ADGB: variants seen among roughly 807,000 people sequenced by gnomAD.
The protein encoded by ADGB is androglobin.
A neutral mutation model predicts 210.5 loss-of-function variants in ADGB; 172 were observed. The ratio of observed to expected loss-of-function variants is 0.82; its 90% CI spans 0.72 to 0.93. The LOEUF is 0.93. Among genes scored for constraint, ADGB ranks in the 40% least tolerant of loss-of-function variants. The probability of loss-of-function intolerance (pLI) is 0.00; values close to 1 mark genes in which losing one functional copy is unlikely to be tolerated. For synonymous variants in ADGB, 658 were observed against 662.7 expected, an observed-to-expected ratio of 0.99 and a Z score of 0.11; for missense variants, 2,025 against 1,964.8, an observed-to-expected ratio of 1.03 and a Z score of -0.58.
At chr6:146,794,815 A>T (rs989154694) in intron 33 of ADGB, among the ~76,000 whole-genome samples, 1 of 152,240 alleles carries the variant, frequency 6.6e-6, no homozygotes, top group Non-Finnish European at 1.5e-5. Context: ...ACAACAAAAA[A>T]GGAGAGACTA....
At chr6:146,599,419 C>T (rs1780519921) in intron 1 of ADGB, among the ~76,000 whole-genome samples, 1 of 152,150 alleles carries the variant, frequency 6.6e-6, no homozygotes, top group Non-Finnish European at 1.5e-5. Context: ...AAGGCCATAG[C>T]TTTCCTAAGA....
At chr6:146,734,759 A>T (rs1003576235) in intron 22 of ADGB, among the ~76,000 whole-genome samples, 1 of 151,982 alleles carries the variant, frequency 6.6e-6, no homozygotes, top group African/African-American at 2.4e-5. Flanking sequence ...AAAATATAAA[A>T]ATTAGCCAGG....
Position 146,784,802 on chromosome 6 carries a change from G to C in ADGB, c.4212+8G>C. 6.5e-7 allele frequency: 1 copy of C among 1,538,394 alleles called. No homozygotes were observed. Among genetic ancestry groups the C allele is most frequent in the South Asian group, 1.2e-5 (1 of 81,530 alleles). ...CCAGGAAGAGCAATCAAGGTCACCT[G>C]ATTTCGAAAAGCTGTCATCTTTTAC... is the stretch of plus-strand genomic sequence containing the variant. On this transcript the variant is annotated splice_region_variant and intron_variant, in intron 31 of 35. Transcript: ENST00000397944.
chr6:146,788,822 C>A (rs1365980162), intron 33 of ADGB, among the ~76,000 whole-genome samples: 2 of 152,078 alleles, frequency 1.3e-5, no homozygotes, highest in African/African-American at 4.8e-5. Context: ...TGGGCAAAAG[C>A]CCCCCTACAG....
At chr6:146,676,020 C>A (rs1776078430) in intron 8 of ADGB, among the ~76,000 whole-genome samples, 1 of 151,884 alleles carries the variant, frequency 6.6e-6, no homozygotes, top group Non-Finnish European at 1.5e-5. Context: ...ATACTATAAT[C>A]TTATATAAAT....
At chr6:146,638,497 C>T (rs1190276214) in intron 2 of ADGB, among the ~76,000 whole-genome samples, 5 of 149,936 alleles carry the variant, frequency 3.3e-5, no homozygotes, top group African/African-American at 4.9e-5. Context: ...AGCAAACTAT[C>T]GCAAGGACAA....
intron 2 of ADGB, 78 bp downstream of exon 2, chr6:146,635,615 G>T: frequency 7.3e-7 from 1 of 1,362,174 alleles, no homozygotes; most frequent in Non-Finnish European, 9.6e-7. Flanking sequence ...AACATAAAAA[G>T]GTATTCATTC....
chr6:146,750,300 G>A (rs1777301491), intron 26 of ADGB, among the ~76,000 whole-genome samples: 1 of 152,110 alleles, frequency 6.6e-6, no homozygotes, highest in South Asian at 2.1e-4. Context: ...GCTCATACCT[G>A]TAATCCCAGT....
At chr6:146,743,899 A>C in intron 25 of ADGB, among the ~76,000 whole-genome samples, 1 of 148,540 alleles carries the variant, frequency 6.7e-6, no homozygotes, top group Non-Finnish European at 1.5e-5. Flanking sequence ...GGGTGACAAG[A>C]GCGAAACTCC....
Position 146,602,223 on chromosome 6 carries a change from G to A in ADGB, c.74+3109G>A, listed in dbSNP as rs75115780. On this transcript the variant is annotated intron_variant, in intron 1 of 35. Coordinates refer to ENST00000397944, the MANE Select transcript of ADGB (RefSeq NM_024694.4). ...AAGTCATTTTCTATTCTGACATTTA[G>A]TTTTCACTTCTTTAAAGGGAGGGTC... is the stretch of plus-strand genomic sequence containing the variant. 7.0e-4 allele frequency among the ~76,000 whole-genome samples: 107 copies of A among 152,164 alleles called. 3 individuals carry two copies. In the East Asian group the frequency reaches 0.02, roughly 28 times the overall value.
chr6:146,637,949 G>C (rs1259370392), intron 2 of ADGB, among the ~76,000 whole-genome samples: 4 of 151,838 alleles, frequency 2.6e-5, no homozygotes, highest in Admixed American at 2.6e-4. Context: ...AAAATCTTCA[G>C]GCCACTATCA....
intron 1 of ADGB, among the ~76,000 whole-genome samples, chr6:146,601,980 G>A (rs1036372872): frequency 2.6e-5 from 4 of 152,148 alleles, no homozygotes; most frequent in Non-Finnish European, 5.9e-5. Flanking sequence ...TTCAAAAACT[G>A]AGATGTTACA....
At position 146,656,803 on chromosome 6, in the gene ADGB, A is replaced by G. The variant is rs769987988; in HGVS notation, c.435A>G (p.Ala145=). The G allele has an allele frequency of 6.5e-7, 1 of 1,548,350 alleles. No homozygotes were observed. Among genetic ancestry groups the G allele is most frequent in the African/African-American group, 1.4e-5 (1 of 72,882 alleles). ...LMRWIISEIY[A]VWKIFNGGIL... is the part of the protein sequence containing the mutation. Reference sequence around the variant, plus strand: ...GATGGATTATCAGTGAAATCTATGCAGTGTGGAAGATCTTCAATGGAGGAA... The same window carrying G: ...GATGGATTATCAGTGAAATCTATGCGGTGTGGAAGATCTTCAATGGAGGAA... The change falls in exon 5 of 36, where the codon GCA becomes GCG. Residue 145 remains alanine (A), a synonymous_variant. Coordinates refer to ENST00000397944, the MANE Select transcript of ADGB (RefSeq NM_024694.4).
At position 146,801,886 on chromosome 6, in the gene ADGB, C is replaced by A; in HGVS notation, c.4693C>A (p.Gln1565Lys). 1 of 1,550,878 alleles carries A rather than the reference C, an allele frequency of 6.4e-7. No individual in the cohort carries two copies. The highest frequency in any genetic ancestry group is 8.7e-7 in the Non-Finnish European group (1 of 1,146,632). The change falls in exon 35 of 36, where the codon CAA (glutamine) becomes AAA (lysine). Residue 1565 changes from glutamine to lysine, a missense_variant. Transcript: ENST00000397944. ...TGAATTGAATCAGCAGCAGGCAATG[C>A]AAAAGGCGGAAGAAATTCATCAGTT... ...TDELNQQQAMQKAEEIHQFRQ... is the reference protein window; with the variant it reads ...TDELNQQQAMKKAEEIHQFRQ...
At chr6:146,676,043 A>G (rs1379203664) in intron 8 of ADGB, among the ~76,000 whole-genome samples, 1 of 152,090 alleles carries the variant, frequency 6.6e-6, no homozygotes, top group African/African-American at 2.4e-5. Flanking sequence ...AATATATTCA[A>G]ATAATTATCT....
intron 29 of ADGB, among the ~76,000 whole-genome samples, chr6:146,772,490 C>A (rs1368480796): frequency 6.8e-6 from 1 of 147,490 alleles, no homozygotes; most frequent in Non-Finnish European, 1.5e-5. Context: ...TAAATTCCAT[C>A]AAGGGCATTT....
intron 19 of ADGB, among the ~76,000 whole-genome samples, chr6:146,727,453 C>G (rs2114579062): frequency 6.6e-6 from 1 of 152,280 alleles, no homozygotes; most frequent in South Asian, 2.1e-4. Context: ...ATTTCCCTAA[C>G]TATGTTTATC....
chr6:146,620,500 G>T (rs1329754995), intron 1 of ADGB, among the ~76,000 whole-genome samples: 1 of 151,374 alleles, frequency 6.6e-6, no homozygotes, highest in African/African-American at 2.4e-5. Flanking sequence ...TTGCTCCACT[G>T]GTTGGATAAT....
intron 20 of ADGB, among the ~76,000 whole-genome samples, chr6:146,732,843 C>T (rs1352654132): frequency 4.0e-5 from 6 of 151,548 alleles, no homozygotes; most frequent in Non-Finnish European, 5.9e-5. Context: ...TTTTTTTTAC[C>T]TTATTCTTTA....
Sources: allele counts gnomAD v4.1 joint callset (sites outside exome capture counted in the v4.1 genomes callset), GRCh38; gene constraint gnomAD v4.1.1; transcripts MANE v1.5; gene names NCBI Gene and HGNC (gene_info 2026-07-23, HGNC 2026-07-21).